Variants in SGCZ observed in about 807,000 individuals in gnomAD.
SGCZ encodes the protein sarcoglycan zeta.
SGCZ carries 40 observed loss-of-function variants against 41.3 expected under a neutral mutation model. That is an observed-to-expected ratio of 0.97 (90% confidence interval 0.75 to 1.26). The LOEUF (loss-of-function observed/expected upper bound fraction) is 1.26. SGCZ is among the 50% of genes most tolerant of loss of function. The pLI is 0.00. For synonymous variants in SGCZ, 206 were observed against 137.5 expected (o/e 1.50, Z -3.49); for missense variants, 552 against 369.8 (o/e 1.49, Z -4.04).
intron 2 of SGCZ, among the ~76,000 whole-genome samples, chr8:14,526,174 A>G (rs1341273161): frequency 2.0e-5 from 3 of 152,126 alleles, no homozygotes; most frequent in Admixed American, 2.0e-4. Flanking sequence ...TTTAGCAACC[A>G]TAATTTCTCA....
At chr8:15,106,567 C>T (rs192356208) in intron 1 of SGCZ, among the ~76,000 whole-genome samples, 21 of 152,140 alleles carry the variant, frequency 1.4e-4, no homozygotes, top group Admixed American at 1.2e-3. Flanking sequence ...TTATTACATA[C>T]AGACTTCTAA....
chr8:14,932,896 T>C (rs373387392), intron 1 of SGCZ, among the ~76,000 whole-genome samples: 1 of 152,004 alleles, frequency 6.6e-6, no homozygotes, highest in African/African-American at 2.4e-5. Context: ...AAGTAAGCAC[T>C]AAATCTGGCA....
intron 1 of SGCZ, among the ~76,000 whole-genome samples, chr8:14,908,946 A>G (rs371576864): frequency 6.6e-6 from 1 of 152,182 alleles, no homozygotes; most frequent in Non-Finnish European, 1.5e-5. Context: ...GATTAAACTT[A>G]TCTCTATAAT....
At chr8:14,603,437 A>G (rs1031534454) in intron 1 of SGCZ, among the ~76,000 whole-genome samples, 5 of 152,160 alleles carry the variant, frequency 3.3e-5, no homozygotes, top group South Asian at 4.2e-4. Flanking sequence ...TATGCCTTTC[A>G]TCTAAAAAAC....
intron 1 of SGCZ, among the ~76,000 whole-genome samples, chr8:14,766,225 G>T (rs983774916): frequency 1.5e-4 from 23 of 152,112 alleles, no homozygotes; most frequent in Non-Finnish European, 2.8e-4. Flanking sequence ...TTCCCAAAGT[G>T]CTGTGATTAC....
intron 1 of SGCZ, among the ~76,000 whole-genome samples, chr8:14,678,806 T>C (rs999765369): frequency 2.0e-5 from 3 of 152,168 alleles, no homozygotes; most frequent in Non-Finnish European, 4.4e-5. Flanking sequence ...GGTGAACAGA[T>C]AAATACACTG....
chr8:14,930,461 T>C (rs1325196395), intron 1 of SGCZ, among the ~76,000 whole-genome samples: 2 of 152,002 alleles, frequency 1.3e-5, no homozygotes, highest in Non-Finnish European at 2.9e-5. Context: ...AGAAATACCA[T>C]TTGACTCAGC....
chr8:14,524,569 T>A (rs533414119), intron 2 of SGCZ, among the ~76,000 whole-genome samples: 81 of 152,266 alleles, frequency 5.3e-4, no homozygotes, highest in African/African-American at 1.9e-3. Flanking sequence ...ATTATAAACA[T>A]ACATTTTAAA....
intron 2 of SGCZ, among the ~76,000 whole-genome samples, chr8:14,550,549 A>T (rs1168684569): frequency 1.3e-5 from 2 of 151,962 alleles, no homozygotes; most frequent in African/African-American, 4.8e-5. Flanking sequence ...TACTACTGCT[A>T]TGTGTGGGGT....
chr8:14,368,583 T>G (rs191491607), intron 2 of SGCZ, among the ~76,000 whole-genome samples: 1 of 152,080 alleles, frequency 6.6e-6, no homozygotes, highest in African/African-American at 2.4e-5. Context: ...AATAGAACAG[T>G]GCTCACAATG....
At chr8:14,525,065 G>A (rs552078819) in intron 2 of SGCZ, among the ~76,000 whole-genome samples, 1 of 151,980 alleles carries the variant, frequency 6.6e-6, no homozygotes, top group African/African-American at 2.4e-5. Context: ...AGATGATGAT[G>A]ATGATAGATA....
At chr8:14,463,615 GACA>G (rs1322700576) in intron 2 of SGCZ, among the ~76,000 whole-genome samples, 1 of 151,458 alleles carries the variant, frequency 6.6e-6, no homozygotes, top group Non-Finnish European at 1.5e-5. Flanking sequence ...TAAAGGCACA[GACA>G]ACAAAACAAA....
intron 1 of SGCZ, among the ~76,000 whole-genome samples, chr8:14,956,736 T>G (rs1800805880): frequency 6.6e-6 from 1 of 152,204 alleles, no homozygotes; most frequent in Non-Finnish European, 1.5e-5. Context: ...GATGGTCAGA[T>G]TTGTTGTTTG....
intron 1 of SGCZ, among the ~76,000 whole-genome samples, chr8:14,955,429 T>C (rs961701170): frequency 6.6e-6 from 1 of 152,216 alleles, no homozygotes; most frequent in African/African-American, 2.4e-5. Flanking sequence ...TCCTAGTGCC[T>C]ATTTTCACAT....
intron 1 of SGCZ, among the ~76,000 whole-genome samples, chr8:15,223,169 T>C (rs1347911485): frequency 3.9e-5 from 6 of 152,138 alleles, no homozygotes; most frequent in African/African-American, 1.4e-4. Context: ...GAAATAAACT[T>C]GGTTTACTGT....
chr8:15,232,043 G>A (rs1254895259), intron 1 of SGCZ, among the ~76,000 whole-genome samples: 2 of 152,120 alleles, frequency 1.3e-5, no homozygotes, highest in Non-Finnish European at 2.9e-5. Flanking sequence ...TCTTTACCTT[G>A]ACATGTAAGC....
intron 1 of SGCZ, among the ~76,000 whole-genome samples, chr8:14,761,515 ATTATT>A (rs1221758296): frequency 1.3e-5 from 2 of 148,698 alleles, no homozygotes; most frequent in Non-Finnish European, 3.0e-5. Flanking sequence ...TATTATTATT[ATTATT>A]TTATTTATTT....
intron 3 of SGCZ, among the ~76,000 whole-genome samples, chr8:14,266,326 C>T (rs1799864380): frequency 6.6e-6 from 1 of 152,014 alleles, no homozygotes; most frequent in Admixed American, 6.6e-5. Flanking sequence ...GTGGGTGAGA[C>T]ATTAATGAAA....
intron 1 of SGCZ, among the ~76,000 whole-genome samples, chr8:14,911,876 T>G (rs185115292): frequency 3.3e-4 from 50 of 151,992 alleles, no homozygotes; most frequent in African/African-American, 1.2e-3. Context: ...GTCTAAATAA[T>G]AAAAATTAAT....
Sources: gnomAD v4.1 joint callset for allele counts (sites outside exome capture counted in the v4.1 genomes callset) on GRCh38, gnomAD v4.1.1 for gene constraint, MANE v1.5 for transcripts, NCBI Gene and HGNC (gene_info 2026-07-23, HGNC 2026-07-21) for gene names.